The following SLCO3A1 variants were observed in gnomAD, a reference collection of about 807,000 sequenced individuals.
SLCO3A1 encodes PGE1 transporter.
In SLCO3A1, 27 loss-of-function variants were observed where a neutral mutation model predicts 63.1. The ratio of observed to expected loss-of-function variants is 0.43; its 90% confidence interval spans 0.32 to 0.59. The LOEUF is 0.59. Among genes scored for constraint, SLCO3A1 ranks in the 20% least tolerant of loss-of-function variants. The probability of loss-of-function intolerance (pLI) is 0.09; values close to 1 mark genes in which losing one functional copy is unlikely to be tolerated. For missense variants in SLCO3A1, 773 were observed against 945.8 expected (o/e 0.82, Z 2.40); for synonymous variants, 473 against 409.9 (o/e 1.15, Z -1.86).
intron 2 of SLCO3A1, among the ~76,000 whole-genome samples, chr15:92,066,838 G>T (rs923791887): frequency 2.0e-5 from 3 of 152,148 alleles, no homozygotes; most frequent in Non-Finnish European, 4.4e-5. Context: ...TGTTGTGGCC[G>T]TGTTTTCAAA....
Position 91,882,758 on chromosome 15 carries a change from G to A in SLCO3A1, c.180+28670G>A, listed in dbSNP as rs1897623280. 6.6e-6 allele frequency among the ~76,000 whole-genome samples: 1 copy of A among 152,286 alleles called. No individual in the cohort carries two copies. Among genetic ancestry groups the A allele is most frequent in the South Asian group, 2.1e-4 (1 of 4,818 alleles). The stretch of plus-strand genomic sequence containing the variant: ...GCTGGTCTCGAACTCCTGACCTCAG[G>A]TCATCTGCCCATCTCGGCCTTCCAA... On this transcript the variant is annotated intron_variant, in intron 1 of 9. Transcript: ENST00000318445. This position sits in a 1 kb window ranked among gnomAD's most constrained non-coding sequence, Gnocchi z 4.4.
intron 2 of SLCO3A1, among the ~76,000 whole-genome samples, chr15:92,013,317 A>T (rs751872614): frequency 1.3e-5 from 2 of 152,218 alleles, no homozygotes; most frequent in Non-Finnish European, 2.9e-5. Context: ...ATAGATGTTG[A>T]GGCTTGGTTT....
At chr15:91,935,100 T>C (rs556879245) in intron 2 of SLCO3A1, among the ~76,000 whole-genome samples, 1 of 152,238 alleles carries the variant, frequency 6.6e-6, no homozygotes. Flanking sequence ...GCTACAGCCG[T>C]GTGCCACCAC....
chr15:92,020,758 A>G (rs1002419628), intron 2 of SLCO3A1, among the ~76,000 whole-genome samples: 3 of 152,254 alleles, frequency 2.0e-5, no homozygotes, highest in Admixed American at 6.5e-5. Flanking sequence ...ACCTGTTTCC[A>G]TAGCTTATCC....
In SLCO3A1 at chr15:91,872,602, T is replaced by G. The variant is rs1475895158; in HGVS notation, c.180+18514T>G. Reference sequence around the variant, plus strand: ...CAAGCCCAAGTTGGCACAGCTAGTGTTTGATCTTGAGTCTCTTGGTTCCAG... The same window carrying G: ...CAAGCCCAAGTTGGCACAGCTAGTGGTTGATCTTGAGTCTCTTGGTTCCAG... On this transcript the variant is annotated intron_variant, in intron 1 of 9. Transcript: ENST00000318445. This position sits in a 1 kb window ranked among gnomAD's most constrained non-coding sequence, Gnocchi z 4.1. Among the ~76,000 whole-genome samples, 1 of 152,128 alleles carries G rather than the reference T, an allele frequency of 6.6e-6. No individual in the cohort carries two copies. Among genetic ancestry groups the G allele is most frequent in the African/African-American group, 2.4e-5 (1 of 41,434 alleles).
Position 92,033,248 on chromosome 15 carries a change from A to G in SLCO3A1, c.647-61633A>G, listed in dbSNP as rs986370835. ...GATTAGAAAAGAGTCAAGTTGAAGG[A>G]GATTTCTGAGCATATTGTTCCAGCA... On this transcript the variant is annotated intron_variant, in intron 2 of 9. Transcript: ENST00000318445. This position sits in a 1 kb window ranked among gnomAD's most constrained non-coding sequence, Gnocchi z 4.5. Among the ~76,000 whole-genome samples the G allele has an allele frequency of 2.0e-5, 3 of 152,230 alleles. No homozygotes were observed. Among genetic ancestry groups the G allele is most frequent in the Non-Finnish European group, 4.4e-5 (3 of 68,034 alleles).
At chr15:92,170,119 A>C (rs537305014), downstream of SLCO3A1, among the ~76,000 whole-genome samples, 1 of 152,296 alleles carries the variant, frequency 6.6e-6, no homozygotes, top group East Asian at 1.9e-4. Context: ...CTTAACGTTA[A>C]CCTTATAGAA....
At position 91,885,240 on chromosome 15, in the gene SLCO3A1, T is replaced by C. The variant is rs1456589383; in HGVS notation, c.181-30753T>C. Among the ~76,000 whole-genome samples, 2 of 152,194 alleles carry C rather than the reference T, an allele frequency of 1.3e-5. No homozygotes were observed. Among genetic ancestry groups the C allele is most frequent in the Non-Finnish European group, 2.9e-5 (2 of 68,026 alleles). Reference sequence around the variant, plus strand: ...ACGCCCAGTAACGAAGCCCCACCCCTGGCTGGGCCTTTTCTCACCATCTTC... The same window carrying C: ...ACGCCCAGTAACGAAGCCCCACCCCCGGCTGGGCCTTTTCTCACCATCTTC... On this transcript the variant is annotated intron_variant, in intron 1 of 9. Coordinates refer to ENST00000318445, the MANE Select transcript of SLCO3A1 (RefSeq NM_013272.4). The surrounding 1 kb of genome is among the most constrained non-coding windows in gnomAD (Gnocchi z 4.7).
chr15:91,913,133 G>A (rs570303068), intron 1 of SLCO3A1, among the ~76,000 whole-genome samples: 1 of 152,354 alleles, frequency 6.6e-6, no homozygotes, highest in Non-Finnish European at 1.5e-5. Context: ...CTGAACAGCG[G>A]CAAACACCTG....
chr15:91,956,241 C>G (rs1597154725), intron 2 of SLCO3A1, among the ~76,000 whole-genome samples: 1 of 152,182 alleles, frequency 6.6e-6, no homozygotes, highest in East Asian at 1.9e-4. Context: ...GGCTTCTCAG[C>G]AGCAGGCCTG....
intron 1 of SLCO3A1, among the ~76,000 whole-genome samples, chr15:91,879,415 A>G (rs1315215809): frequency 2.0e-5 from 3 of 152,150 alleles, no homozygotes; most frequent in East Asian, 1.9e-4. Context: ...CTACAAGGAC[A>G]GTATAAAATC....
In SLCO3A1 at chr15:92,163,699, G is replaced by A. The variant is rs1013705375; in HGVS notation, c.*564G>A. 1.3e-4 allele frequency: 129 copies of A among 985,248 alleles called. No homozygotes were observed. The highest frequency in any genetic ancestry group is 1.4e-4 in the Non-Finnish European group (120 of 829,990). The allele number at this position is 985,248 out of a possible 1,614,324, so 61.0% of individuals were successfully genotyped here. A position where few individuals can be genotyped will look rare whatever the true frequency, so the allele number is the denominator to read the frequency against. ...AGCACCACTCCTCTCTCTGACTTTCGCAATATGGGTCACTGTGTAGACGAC... is the reference window on the plus strand; with the variant it reads ...AGCACCACTCCTCTCTCTGACTTTCACAATATGGGTCACTGTGTAGACGAC... On this transcript the variant is annotated 3_prime_UTR_variant, in exon 10 of 10. Transcript: ENST00000318445.
At chr15:91,909,109 A>G (rs1193511754) in intron 1 of SLCO3A1, among the ~76,000 whole-genome samples, 1 of 152,216 alleles carries the variant, frequency 6.6e-6, no homozygotes, top group Non-Finnish European at 1.5e-5. Context: ...AAAAGCTTGC[A>G]TTAAAATTGT....
In SLCO3A1 at chr15:91,947,794, C is replaced by T. The variant is rs145277275; in HGVS notation, c.646+31336C>T. Among the ~76,000 whole-genome samples, 320 of 152,296 alleles carry T rather than the reference C, an allele frequency of 2.1e-3. 1 individual carries two copies. The highest frequency in any genetic ancestry group is 4.4e-3 in the Admixed American group (67 of 15,302). Reference sequence around the variant, plus strand: ...CATTGCCCTCCCAGACTGCTTTCCTCGTTAGTACCCCCTGCTTGGCCCTAG... The same window carrying T: ...CATTGCCCTCCCAGACTGCTTTCCTTGTTAGTACCCCCTGCTTGGCCCTAG... On this transcript the variant is annotated intron_variant, in intron 2 of 9. Transcript: ENST00000318445.
In SLCO3A1 at chr15:92,018,553, G is replaced by A. The variant is rs979847003; in HGVS notation, c.647-76328G>A. Among the ~76,000 whole-genome samples, 12 of 152,324 alleles carry A rather than the reference G, an allele frequency of 7.9e-5. No individual in the cohort carries two copies. The East Asian group carries it at 2.3e-3, about 29-fold the overall frequency. The stretch of plus-strand genomic sequence containing the variant: ...GGGATTGGAAGCTCTGCATTTCAGA[G>A]CCAGGTTTCATTCAGTCCCCTCACC... On this transcript the variant is annotated intron_variant, in intron 2 of 9. Transcript: ENST00000318445.
At chr15:92,100,445 A>C (rs1013624859) in intron 3 of SLCO3A1, among the ~76,000 whole-genome samples, 1 of 152,134 alleles carries the variant, frequency 6.6e-6, no homozygotes, top group African/African-American at 2.4e-5. Flanking sequence ...TTCTTCATCC[A>C]TGTGTCTAGT....
rs1897656847 is a variant in SLCO3A1 at position 91,883,787 on chromosome 15, T to C, written c.180+29699T>C. 6.6e-6 allele frequency among the ~76,000 whole-genome samples: 1 copy of C among 152,252 alleles called. No individual in the cohort carries two copies. The highest frequency in any genetic ancestry group is 1.5e-5 in the Non-Finnish European group (1 of 68,044). On this transcript the variant is annotated intron_variant, in intron 1 of 9. Transcript: ENST00000318445. This position sits in a 1 kb window ranked among gnomAD's most constrained non-coding sequence, Gnocchi z 4.8. Reference sequence around the variant, plus strand: ...CCTACTTACCGATAGTAGTGTAGCATCCTGATAGTACATCACAGTTGCTAC... The same window carrying C: ...CCTACTTACCGATAGTAGTGTAGCACCCTGATAGTACATCACAGTTGCTAC...
rs562197188 is a variant in SLCO3A1, at chr15:91,900,521, G to A, written c.181-15472G>A. On this transcript the variant is annotated intron_variant, in intron 1 of 9. Coordinates refer to ENST00000318445, the MANE Select transcript of SLCO3A1 (RefSeq NM_013272.4). This position sits in a 1 kb window ranked among gnomAD's most constrained non-coding sequence, Gnocchi z 4.3. ...ATTTTTGTATTTTCAGTAGAGACGG[G>A]TTTCACCATGTTGGCCAGGCTTGTC... Among the ~76,000 whole-genome samples, 37 of 152,190 alleles carry A rather than the reference G, an allele frequency of 2.4e-4. No homozygotes were observed. The South Asian group carries it at 6.2e-3, about 26-fold the overall frequency.
At chr15:91,908,925 G>C (rs889789911) in intron 1 of SLCO3A1, among the ~76,000 whole-genome samples, 3 of 152,144 alleles carry the variant, frequency 2.0e-5, no homozygotes, top group African/African-American at 7.2e-5. Context: ...GCTGGGCGTG[G>C]TGGCGGGTGC....
Sources: allele counts gnomAD v4.1 joint callset (sites outside exome capture counted in the v4.1 genomes callset), GRCh38; gene constraint gnomAD v4.1.1; non-coding constraint Gnocchi (gnomAD v3.1); transcripts MANE v1.5; gene names NCBI Gene and HGNC (gene_info 2026-07-23, HGNC 2026-07-21).